The following GPR158 variants were observed in gnomAD, a reference collection of about 807,000 sequenced individuals.
The protein encoded by GPR158 is G protein-coupled receptor 158, also known as metabotropic glycine receptor.
GPR158 carries 30 observed loss-of-function variants against 78.2 expected under a neutral mutation model. The observed-to-expected ratio is 0.38, with a 90% CI of 0.29 to 0.52. The LOEUF is 0.52. GPR158 is among the 20% of genes least tolerant of loss of function. GPR158 has a pLI of 0.83. For missense variants in GPR158, 1,463 were observed against 1,523.5 expected, an observed-to-expected ratio of 0.96 and a Z score of 0.66; for synonymous variants, 581 against 591.1, an observed-to-expected ratio of 0.98 and a Z score of 0.25.
chr10:25,390,127 TGTGA>T (rs1381753714), intron 2 of GPR158, among the ~76,000 whole-genome samples: 1 of 152,234 alleles, frequency 6.6e-6, no homozygotes, highest in African/African-American at 2.4e-5. Context: ...CATGTGGAAC[TGTGA>T]GTCTTTTAAA....
chr10:25,274,441 A>G lies in GPR158; in HGVS notation c.1008+53284A>G, dbSNP rs11014479. The stretch of plus-strand genomic sequence containing the variant: ...TAGTTTTATATGAAGATTAATTTAT[A>G]TGTACTCCCCTATCCGTCACTTGGT... On this transcript the variant is annotated intron_variant, in intron 2 of 10. Transcript: ENST00000376351. 9.9e-3 allele frequency among the ~76,000 whole-genome samples: 1,504 copies of G among 152,336 alleles called. 8 individuals carry two copies. The highest frequency in any genetic ancestry group is 0.02 in the Middle Eastern group (6 of 294).
intron 2 of GPR158, among the ~76,000 whole-genome samples, chr10:25,372,785 C>G (rs932644428): frequency 2.6e-5 from 4 of 150,952 alleles, no homozygotes; most frequent in African/African-American, 7.3e-5. Context: ...GTGCAGCAAA[C>G]AAGCATGGAA....
At chr10:25,180,910 G>C (rs1852604415) in intron 1 of GPR158, among the ~76,000 whole-genome samples, 1 of 151,816 alleles carries the variant, frequency 6.6e-6, no homozygotes, top group South Asian at 2.1e-4. Flanking sequence ...ATAAAGGAAA[G>C]ATCACAATAG....
intron 4 of GPR158, among the ~76,000 whole-genome samples, chr10:25,414,348 A>G (rs375075371): frequency 6.6e-6 from 1 of 152,214 alleles, no homozygotes; most frequent in Admixed American, 6.5e-5. Context: ...TAATGAGAAT[A>G]CATAGCTTTA....
At chr10:25,455,721 A>ATTAC (rs1835282374) in intron 4 of GPR158, among the ~76,000 whole-genome samples, 2 of 152,222 alleles carry the variant, frequency 1.3e-5, no homozygotes, top group African/African-American at 2.4e-5. Flanking sequence ...GAGACTCTAA[A>ATTAC]ATATCAAGAT....
chr10:25,430,116 T>C (rs1400598972), intron 4 of GPR158, among the ~76,000 whole-genome samples: 1 of 151,506 alleles, frequency 6.6e-6, no homozygotes, highest in Non-Finnish European at 1.5e-5. Context: ...AAAACCCCAC[T>C]GTCTCAGCCC....
intron 2 of GPR158, among the ~76,000 whole-genome samples, chr10:25,393,106 T>C (rs1014713002): frequency 2.1e-4 from 32 of 152,246 alleles, no homozygotes; most frequent in Admixed American, 1.8e-3. Flanking sequence ...AATATTTTAT[T>C]TGGCAATATG....
At chr10:25,544,627 T>G (rs1391731459) in intron 5 of GPR158, among the ~76,000 whole-genome samples, 2 of 152,180 alleles carry the variant, frequency 1.3e-5, no homozygotes, top group African/African-American at 4.8e-5. Context: ...TTTCTCAATT[T>G]CTTCACTGTT....
intron 4 of GPR158, among the ~76,000 whole-genome samples, chr10:25,427,938 T>G (rs1236481614): frequency 6.6e-6 from 1 of 152,214 alleles, no homozygotes; most frequent in Admixed American, 6.6e-5. Flanking sequence ...TGTCTGACTA[T>G]GTCCGTACAA....
At chr10:25,432,301 C>G (rs1834921637) in intron 4 of GPR158, among the ~76,000 whole-genome samples, 1 of 152,022 alleles carries the variant, frequency 6.6e-6, no homozygotes, top group African/African-American at 2.4e-5. Context: ...ATAATTCTCT[C>G]TGTTGGTGAA....
At chr10:25,262,604 G>A (rs1013999081) in intron 2 of GPR158, among the ~76,000 whole-genome samples, 1 of 152,130 alleles carries the variant, frequency 6.6e-6, no homozygotes, top group Admixed American at 6.6e-5. Context: ...AAACCAAAAT[G>A]AGTGGAAAGT....
chr10:25,560,259 TTTTTCA>T (rs1836844046), intron 6 of GPR158, among the ~76,000 whole-genome samples: 1 of 152,180 alleles, frequency 6.6e-6, no homozygotes, highest in Non-Finnish European at 1.5e-5. Context: ...AATATTTTTA[TTTTTCA>T]TTTTATTTTT....
At chr10:25,398,173 C>T (rs1834391884) in intron 3 of GPR158, among the ~76,000 whole-genome samples, 1 of 152,186 alleles carries the variant, frequency 6.6e-6, no homozygotes, top group Non-Finnish European at 1.5e-5. Flanking sequence ...AGGCCCTAAA[C>T]AGAGAACCCA....
intron 5 of GPR158, among the ~76,000 whole-genome samples, chr10:25,498,094 A>G (rs75547204): frequency 0.023 from 3,577 of 152,304 alleles, 67 homozygotes; most frequent in Non-Finnish European, 0.035. Context: ...CTTAATGTAT[A>G]TTGTACGCAG....
At chr10:25,272,861 C>G (rs1854135331) in intron 2 of GPR158, among the ~76,000 whole-genome samples, 1 of 152,158 alleles carries the variant, frequency 6.6e-6, no homozygotes, top group South Asian at 2.1e-4. Context: ...ATGTACTAGA[C>G]TTCTAAAATT....
intron 2 of GPR158, among the ~76,000 whole-genome samples, chr10:25,313,494 TA>T (rs150687213): frequency 0.21 from 30,777 of 146,936 alleles, 5,183 homozygotes; most frequent in African/African-American, 0.48. Flanking sequence ...AATCAATGGG[TA>T]AAAAAAAAAA....
intron 2 of GPR158, among the ~76,000 whole-genome samples, chr10:25,348,187 A>G (rs1443715707): frequency 6.6e-6 from 1 of 151,892 alleles, no homozygotes; most frequent in Admixed American, 6.6e-5. Context: ...GGTAGGTTAT[A>G]TAGGTTTTCA....
chr10:25,344,375 C>T (rs962079692), intron 2 of GPR158, among the ~76,000 whole-genome samples: 1 of 151,594 alleles, frequency 6.6e-6, no homozygotes, highest in East Asian at 1.9e-4. Context: ...ATATATATTA[C>T]CTCAGCCATT....
intron 3 of GPR158, among the ~76,000 whole-genome samples, chr10:25,410,865 T>C (rs1834573893): frequency 6.6e-6 from 1 of 152,202 alleles, no homozygotes; most frequent in South Asian, 2.1e-4. Context: ...CTATTGTCTT[T>C]ACTGAGGAAA....
Sources: allele counts gnomAD v4.1 joint callset (sites outside exome capture counted in the v4.1 genomes callset), GRCh38; gene constraint gnomAD v4.1.1; transcripts MANE v1.5; gene names NCBI Gene and HGNC (gene_info 2026-07-23, HGNC 2026-07-21).